The following SREK1IP1 variants were observed in gnomAD, a reference collection of about 807,000 sequenced individuals.
SREK1IP1 encodes the protein protein SREK1IP1.
In SREK1IP1, 12 loss-of-function variants were observed where a neutral mutation model predicts 22.8. The observed-to-expected ratio is 0.53, with a 90% CI of 0.34 to 0.85. SREK1IP1 has a LOEUF of 0.85. Ranked by LOEUF, SREK1IP1 falls within the 40% of genes least tolerant of loss-of-function variation. The probability of loss-of-function intolerance (pLI) is 0.02; values close to 1 mark genes in which losing one functional copy is unlikely to be tolerated. For missense variants in SREK1IP1, 147 were observed against 171.8 expected (o/e 0.86, Z 0.81); for synonymous variants, 53 against 52.7 (o/e 1.01, Z -0.02).
intron 2 of SREK1IP1, among the ~76,000 whole-genome samples, chr5:64,751,536 A>G (rs1295388072): frequency 6.6e-6 from 1 of 152,220 alleles, no homozygotes; most frequent in Non-Finnish European, 1.5e-5. Flanking sequence ...CCTGCTTCTC[A>G]AAGGGAATGC....
intron 1 of SREK1IP1, among the ~76,000 whole-genome samples, chr5:64,758,859 A>C (rs78215070): frequency 1.3e-5 from 2 of 152,186 alleles, no homozygotes; most frequent in Non-Finnish European, 2.9e-5. Flanking sequence ...GGGAAATATA[A>C]CCAGAACTCT....
chr5:64,728,327 C>A, intron 3 of SREK1IP1, 148 bp from the exon 4 acceptor site: 1 of 787,972 alleles, frequency 1.3e-6, no homozygotes. Context: ...TCTTAATTAT[C>A]TTTATCCATT....
intron 1 of SREK1IP1, among the ~76,000 whole-genome samples, chr5:64,759,824 G>T (rs1255399062): frequency 6.6e-6 from 1 of 152,074 alleles, no homozygotes; most frequent in African/African-American, 2.4e-5. Context: ...TATCAGAATC[G>T]CAAAGATTGA....
intron 1 of SREK1IP1, among the ~76,000 whole-genome samples, chr5:64,765,857 G>C (rs919642386): frequency 1.1e-4 from 16 of 152,292 alleles, no homozygotes; most frequent in African/African-American, 3.8e-4. Context: ...CTATGACACT[G>C]TGTCCTCCAG....
intron 2 of SREK1IP1, among the ~76,000 whole-genome samples, chr5:64,753,372 G>T (rs1024468305): frequency 3.3e-5 from 5 of 152,162 alleles, no homozygotes; most frequent in Non-Finnish European, 7.4e-5. Flanking sequence ...AAATAGAAAA[G>T]ATTTCATTGC....
chr5:64,737,451 T>C (rs1742482613), intron 3 of SREK1IP1, among the ~76,000 whole-genome samples: 1 of 145,702 alleles, frequency 6.9e-6, no homozygotes, highest in Non-Finnish European at 1.5e-5. Flanking sequence ...GGGAAATTTA[T>C]ATGATAAATG....
intron 1 of SREK1IP1, among the ~76,000 whole-genome samples, chr5:64,759,220 A>G (rs923783511): frequency 3.0e-4 from 46 of 152,100 alleles, no homozygotes; most frequent in Admixed American, 4.6e-4. Flanking sequence ...GAGCTAGCTG[A>G]TATCTTTCCT....
chr5:64,737,587 A>C (rs112718461), intron 3 of SREK1IP1, among the ~76,000 whole-genome samples: 124 of 151,138 alleles, frequency 8.2e-4, no homozygotes, highest in African/African-American at 2.8e-3. Flanking sequence ...GAAAAAAAAA[A>C]CACAATAAAT....
intron 4 of SREK1IP1, among the ~76,000 whole-genome samples, chr5:64,725,951 G>A (rs1218113283): frequency 2.1e-5 from 3 of 141,374 alleles, no homozygotes; most frequent in Non-Finnish European, 4.5e-5. Context: ...TGCAACCTCC[G>A]CTCCCCCGAG....
intron 2 of SREK1IP1, among the ~76,000 whole-genome samples, chr5:64,751,616 C>A (rs1172116695): frequency 2.6e-5 from 4 of 152,204 alleles, no homozygotes; most frequent in Non-Finnish European, 4.4e-5. Context: ...CGTTTATAAT[C>A]TTTGGGCTCT....
rs189935470 is a variant in SREK1IP1 at position 64,746,546 on chromosome 5, T to C, written c.62-5346A>G. On this transcript the variant is annotated intron_variant, in intron 2 of 4. Coordinates refer to ENST00000513458, the MANE Select transcript of SREK1IP1 (RefSeq NM_173829.4). ...AAGGCCTTGAATAGACATTTGTCTA[T>C]AGAAGAAATACAAATGGTGAATAAG... Among the ~76,000 whole-genome samples, 214 of 152,298 alleles carry C rather than the reference T, an allele frequency of 1.4e-3. 1 individual carries two copies. Among genetic ancestry groups the C allele is most frequent in the Non-Finnish European group, 2.2e-3 (152 of 68,018 alleles).
intron 3 of SREK1IP1, among the ~76,000 whole-genome samples, chr5:64,737,231 G>A (rs77437192): frequency 0.02 from 2,968 of 151,980 alleles, 91 homozygotes; most frequent in African/African-American, 0.069. Flanking sequence ...GAATCATATT[G>A]AGTATCTTTT....
intron 3 of SREK1IP1, among the ~76,000 whole-genome samples, chr5:64,737,577 G>GA (rs147783484): frequency 1.3e-3 from 148 of 110,478 alleles, no homozygotes; most frequent in Middle Eastern, 5.2e-3. Context: ...TAAGAAACTA[G>GA]AAAAAAAAAA....
At chr5:64,746,716 A>G (rs748280957) in intron 2 of SREK1IP1, among the ~76,000 whole-genome samples, 9 of 152,148 alleles carry the variant, frequency 5.9e-5, no homozygotes, top group African/African-American at 9.7e-5. Flanking sequence ...TTTTTTCCAC[A>G]CCAACAGCCA....
Position 64,718,211 on chromosome 5 carries a change from A to C in SREK1IP1, c.*6173T>G, listed in dbSNP as rs1200549048. On this transcript the variant is annotated 3_prime_UTR_variant, in exon 5 of 5. Coordinates refer to ENST00000513458, the MANE Select transcript of SREK1IP1 (RefSeq NM_173829.4). ...GGTTTTATTGGTTTTCCTTTGTATA[A>C]ATTTATTTGCTAATTAAGATGTTTC... The C allele has an allele frequency of 4.3e-6, 2 of 461,466 alleles. No homozygotes were observed. Among genetic ancestry groups the C allele is most frequent in the East Asian group, 7.4e-5 (2 of 27,208 alleles). 28.6% of individuals were successfully genotyped at this position (461,466 alleles called of 1,614,324 possible). A position where few individuals can be genotyped will look rare whatever the true frequency, so the allele number is the denominator to read the frequency against.
chr5:64,737,916 A>G (rs1340326681), intron 3 of SREK1IP1, among the ~76,000 whole-genome samples: 2 of 152,214 alleles, frequency 1.3e-5, no homozygotes, highest in Non-Finnish European at 2.9e-5. Context: ...AGTAACAAGT[A>G]AAGACACTGG....
rs1336724218 is a variant in SREK1IP1 at position 64,722,406 on chromosome 5, A to G, written c.*1978T>C. The G allele has an allele frequency of 2.6e-5, 4 of 152,320 alleles. No homozygotes were observed. The highest frequency in any genetic ancestry group is 2.6e-4 in the Admixed American group (4 of 15,296). 9.4% of individuals were successfully genotyped at this position (152,320 alleles called of 1,614,324 possible). A position where few individuals can be genotyped will look rare whatever the true frequency, so the allele number is the denominator to read the frequency against. Reference sequence around the variant, plus strand: ...ACTACAATTACTATCATTTTTAACTATCTTACTCAATGGAATAAGGTCATT... The same window carrying G: ...ACTACAATTACTATCATTTTTAACTGTCTTACTCAATGGAATAAGGTCATT... On this transcript the variant is annotated 3_prime_UTR_variant, in exon 5 of 5. Coordinates refer to ENST00000513458, the MANE Select transcript of SREK1IP1 (RefSeq NM_173829.4).
At chr5:64,727,976 A>C in intron 4 of SREK1IP1, 131 bp downstream of exon 4, 1 of 867,594 alleles carries the variant, frequency 1.2e-6, no homozygotes, top group Non-Finnish European at 1.5e-6. Context: ...GTTTAAACTT[A>C]AGCTCAATGA....
At chr5:64,754,258 A>G in intron 2 of SREK1IP1, 57 bp downstream of exon 2, 1 of 1,545,406 alleles carries the variant, frequency 6.5e-7, no homozygotes, top group Non-Finnish European at 8.9e-7. Flanking sequence ...TATTGCCCAA[A>G]GAGGCCATGA....
Sources: allele counts gnomAD v4.1 joint callset (sites outside exome capture counted in the v4.1 genomes callset), GRCh38; gene constraint gnomAD v4.1.1; transcripts MANE v1.5; gene names NCBI Gene and HGNC (gene_info 2026-07-23, HGNC 2026-07-21).